Variants in C10orf90 observed in about 807,000 individuals in gnomAD.
The protein encoded by C10orf90 is (E2-independent) E3 ubiquitin-conjugating enzyme FATS.
Under a neutral mutation model 62.5 loss-of-function variants are expected in C10orf90, and 56 were observed. That is an observed-to-expected ratio of 0.90 (90% CI 0.72 to 1.12). C10orf90 has a LOEUF of 1.12. Among genes scored for constraint, C10orf90 ranks in the 50% most tolerant of loss-of-function variants. The pLI is 0.00. For synonymous variants in C10orf90, 386 were observed against 340.4 expected, an observed-to-expected ratio of 1.13 and a Z score of -1.47; for missense variants, 970 against 880.4, an observed-to-expected ratio of 1.10 and a Z score of -1.29.
intron 2 of C10orf90, among the ~76,000 whole-genome samples, chr10:126,641,870 C>T (rs1767183312): frequency 6.6e-6 from 1 of 152,144 alleles, no homozygotes; most frequent in Admixed American, 6.5e-5. Context: ...AAGGCCCTGC[C>T]AGGAGGACAA....
At chr10:126,609,732 G>A (rs2133799682) in intron 2 of C10orf90, among the ~76,000 whole-genome samples, 1 of 152,350 alleles carries the variant, frequency 6.6e-6, no homozygotes, top group East Asian at 1.9e-4. Context: ...TGACACAATA[G>A]GAGGCAAGGG....
chr10:126,496,379 G>T (rs1862058343), intron 4 of C10orf90, among the ~76,000 whole-genome samples: 1 of 152,184 alleles, frequency 6.6e-6, no homozygotes, highest in Non-Finnish European at 1.5e-5. Flanking sequence ...TTATGATGAG[G>T]AGGAAAATGA....
intron 4 of C10orf90, among the ~76,000 whole-genome samples, chr10:126,473,217 A>T (rs1860677499): frequency 6.6e-6 from 1 of 151,582 alleles, no homozygotes. Flanking sequence ...ACATCCACTA[A>T]CTCTTCCAGC....
chr10:126,522,565 T>C (rs112851190), intron 2 of C10orf90, among the ~76,000 whole-genome samples: 3 of 152,236 alleles, frequency 2.0e-5, no homozygotes, highest in Admixed American at 6.5e-5. Context: ...CGTCATGTCA[T>C]AATGGCTAAA....
At chr10:126,609,586 G>T (rs1286478540) in intron 2 of C10orf90, among the ~76,000 whole-genome samples, 1 of 152,236 alleles carries the variant, frequency 6.6e-6, no homozygotes, top group Non-Finnish European at 1.5e-5. Flanking sequence ...CTCAGGTTCT[G>T]CCAAGGGCAG....
chr10:126,662,666 C>T (rs185467430), intron 1 of C10orf90, among the ~76,000 whole-genome samples: 18 of 152,334 alleles, frequency 1.2e-4, no homozygotes, highest in Admixed American at 7.8e-4. Flanking sequence ...TGTCCCCCCA[C>T]GCCTGGAAAC....
At chr10:126,559,350 C>T (rs1246967649) in intron 2 of C10orf90, among the ~76,000 whole-genome samples, 1 of 152,184 alleles carries the variant, frequency 6.6e-6, no homozygotes, top group Non-Finnish European at 1.5e-5. Flanking sequence ...CTTACATCAG[C>T]GGGCCCCATA....
rs1270782614 is a variant in C10orf90 at position 126,456,194 on chromosome 10, A to G, written c.2188+2846T>C. 1.3e-5 allele frequency among the ~76,000 whole-genome samples: 2 copies of G among 152,268 alleles called. No individual in the cohort carries two copies. The highest frequency in any genetic ancestry group is 2.9e-5 in the Non-Finnish European group (2 of 68,048). On this transcript the variant is annotated intron_variant, in intron 7 of 9. Coordinates refer to ENST00000488181, the MANE Select transcript of C10orf90 (RefSeq NM_001350921.2). This position sits in a 1 kb window ranked among gnomAD's most constrained non-coding sequence, Gnocchi z 4.9. The stretch of plus-strand genomic sequence containing the variant: ...GCTGAAGACAAGATGTGTACTGCAG[A>G]CTTGTTTAATAGGGCCTTAAACATT...
chr10:126,479,510 G>A (rs892109093), intron 4 of C10orf90, among the ~76,000 whole-genome samples: 8 of 152,140 alleles, frequency 5.3e-5, no homozygotes, highest in African/African-American at 1.2e-4. Context: ...GAGCTCCTGC[G>A]AGGCCCTGAT....
intron 2 of C10orf90, among the ~76,000 whole-genome samples, chr10:126,534,512 T>C (rs909678169): frequency 6.6e-6 from 1 of 152,196 alleles, no homozygotes; most frequent in Non-Finnish European, 1.5e-5. Flanking sequence ...CTGCAGTGTT[T>C]GGGTGACCTG....
At chr10:126,525,528 G>T (rs114609553) in intron 2 of C10orf90, among the ~76,000 whole-genome samples, 1,931 of 152,214 alleles carry the variant, frequency 0.013, 49 homozygotes, top group African/African-American at 0.044. Context: ...TACAGGCTCC[G>T]CCGTGAGCTG....
intron 2 of C10orf90, among the ~76,000 whole-genome samples, chr10:126,557,119 G>A (rs1864792855): frequency 6.6e-6 from 1 of 151,636 alleles, no homozygotes; most frequent in African/African-American, 2.4e-5. Flanking sequence ...CTTTTTTAAA[G>A]TCATGGAATA....
chr10:126,624,391 G>A (rs760232318), intron 2 of C10orf90, among the ~76,000 whole-genome samples: 31 of 152,218 alleles, frequency 2.0e-4, no homozygotes, highest in Non-Finnish European at 3.7e-4. Context: ...GTGAATGCTG[G>A]CATTAGAGGA....
chr10:126,510,854 C>G (rs1863065471), intron 3 of C10orf90, among the ~76,000 whole-genome samples: 1 of 152,186 alleles, frequency 6.6e-6, no homozygotes, highest in African/African-American at 2.4e-5. Flanking sequence ...AGTCAAGTAG[C>G]AGATGATCAG....
intron 1 of C10orf90, among the ~76,000 whole-genome samples, chr10:126,648,667 T>C (rs1233147102): frequency 6.6e-6 from 1 of 152,216 alleles, no homozygotes; most frequent in African/African-American, 2.4e-5. Context: ...AAATCTTAAG[T>C]CTGTCAGAAG....
Position 126,491,787 on chromosome 10 carries a change from C to T in C10orf90, c.1534+12170G>A, listed in dbSNP as rs371717602. On this transcript the variant is annotated intron_variant, in intron 4 of 9. Coordinates refer to ENST00000488181, the MANE Select transcript of C10orf90 (RefSeq NM_001350921.2). ...TAAATGTGTGATTGGCATTTCCAAC[C>T]GGTAGAAAAATAACAAATTATCTCA... Among the ~76,000 whole-genome samples the T allele has an allele frequency of 1.8e-4, 27 of 152,242 alleles. No individual in the cohort carries two copies. The East Asian group carries it at 3.3e-3, about 19-fold the overall frequency.
At position 126,445,805 on chromosome 10, in the gene C10orf90, G is replaced by GTGTATATA. The variant is rs1554886858; in HGVS notation, c.2188+13234_2188+13235insTATATACA. On this transcript the variant is annotated intron_variant, in intron 7 of 9. Coordinates refer to ENST00000488181, the MANE Select transcript of C10orf90 (RefSeq NM_001350921.2). ...AATGAGTAGATAAAGAAACTGTGGT[G>GTGTATATA]TATATATATATATATATATATACAA... 3.4e-3 allele frequency among the ~76,000 whole-genome samples: 345 copies of GTGTATATA among 100,762 alleles called. 4 individuals carry two copies. Among genetic ancestry groups the GTGTATATA allele is most frequent in the African/African-American group, 0.013 (333 of 25,766 alleles). The allele number at this position is 100,762 out of a possible 152,430, so 66.1% of individuals were successfully genotyped here. A position where few individuals can be genotyped will look rare whatever the true frequency, so the allele number is the denominator to read the frequency against.
At chr10:126,606,942 T>G (rs929477576) in intron 2 of C10orf90, among the ~76,000 whole-genome samples, 1 of 152,178 alleles carries the variant, frequency 6.6e-6, no homozygotes, top group African/African-American at 2.4e-5. Flanking sequence ...AGAAAACTGC[T>G]AAAAGTAGGC....
chr10:126,494,301 T>C (rs1033501821), intron 4 of C10orf90, among the ~76,000 whole-genome samples: 5 of 152,088 alleles, frequency 3.3e-5, no homozygotes, highest in Non-Finnish European at 7.4e-5. Context: ...TATTTATAAA[T>C]GGGAAAGGTA....
Sources: allele counts gnomAD v4.1 joint callset (sites outside exome capture counted in the v4.1 genomes callset), GRCh38; gene constraint gnomAD v4.1.1; non-coding constraint Gnocchi (gnomAD v3.1); transcripts MANE v1.5; gene names NCBI Gene and HGNC (gene_info 2026-07-23, HGNC 2026-07-21).